WWTR1: variants seen among roughly 807,000 people sequenced by gnomAD.
The protein encoded by WWTR1 is WW domain-containing transcription regulator protein 1.
A neutral mutation model predicts 40.1 loss-of-function variants in WWTR1; 13 were observed. The ratio of observed to expected loss-of-function variants is 0.32; its 90% CI spans 0.21 to 0.52. The LOEUF is 0.52. Ranked by LOEUF, WWTR1 falls within the 20% of genes least tolerant of loss-of-function variation. The pLI is 0.97. For synonymous variants in WWTR1, 230 were observed against 210.1 expected (o/e 1.09, Z -0.82); for missense variants, 436 against 523.1 (o/e 0.83, Z 1.63).
At chr3:149,585,323 C>A (rs551862275) in intron 2 of WWTR1, among the ~76,000 whole-genome samples, 2 of 151,990 alleles carry the variant, frequency 1.3e-5, no homozygotes, top group African/African-American at 4.8e-5. Flanking sequence ...TTAGTAGAGA[C>A]GGGGTTTCAC....
chr3:149,709,115 T>C (rs1715403383), intron 5 of WWTR1, among the ~76,000 whole-genome samples: 1 of 152,054 alleles, frequency 6.6e-6, no homozygotes. Context: ...ACTGGGACTA[T>C]GGGCACGTGC....
intron 2 of WWTR1, among the ~76,000 whole-genome samples, chr3:149,584,509 G>A (rs1379712414): frequency 6.6e-6 from 1 of 152,174 alleles, no homozygotes; most frequent in African/African-American, 2.4e-5. Context: ...GCTTTTCAGA[G>A]TGAGGTTCCC....
intron 1 of WWTR1, among the ~76,000 whole-genome samples, chr3:149,696,650 G>T (rs1174401064): frequency 2.0e-5 from 3 of 152,170 alleles, no homozygotes; most frequent in Non-Finnish European, 4.4e-5. Context: ...GTCCCTGAAG[G>T]TCTTTTGCTT....
intron 4 of WWTR1, among the ~76,000 whole-genome samples, chr3:149,720,379 C>A (rs182250199): frequency 1.3e-5 from 2 of 152,146 alleles, no homozygotes; most frequent in East Asian, 1.9e-4. Flanking sequence ...AAAGACTGTC[C>A]TTTTCTTATT....
chr3:149,526,103 G>A lies in WWTR1; in HGVS notation c.928C>T (p.Gln310Ter). The A allele has an allele frequency of 6.2e-7, 1 of 1,608,616 alleles. No homozygotes were observed. Among genetic ancestry groups the A allele is most frequent in the Non-Finnish European group, 8.5e-7 (1 of 1,177,348 alleles). The change falls in exon 6 of 7, where the codon CAG becomes TAG. Residue 310 changes from glutamine (Q) to a stop codon, truncating the protein, a stop_gained. Coordinates refer to ENST00000360632, the MANE Select transcript of WWTR1 (RefSeq NM_015472.6). LOFTEE classifies it high-confidence loss of function. The part of the protein sequence containing the change: ...LNGGPYHSRE[Q>*]STDSGLGLGC... ...AACCCCAGGCCACTGTCAGTGCTCT[G>A]CTCCCTCGAATGATATGGCCCTCTG...
chr3:149,559,952 A>G (rs911443214), intron 3 of WWTR1, among the ~76,000 whole-genome samples: 8 of 152,198 alleles, frequency 5.3e-5, no homozygotes, highest in African/African-American at 1.4e-4. Flanking sequence ...TTCAGAAGAA[A>G]CGCCACTGGA....
chr3:149,692,166 A>AG (rs562997344), intron 1 of WWTR1, among the ~76,000 whole-genome samples: 149 of 151,724 alleles, frequency 9.8e-4, no homozygotes, highest in Non-Finnish European at 1.1e-3. Flanking sequence ...TAAAAAAAAA[A>AG]AGAGAGAAAG....
At chr3:149,618,827 C>A (rs533591691) in intron 2 of WWTR1, among the ~76,000 whole-genome samples, 1 of 152,244 alleles carries the variant, frequency 6.6e-6, no homozygotes, top group East Asian at 1.9e-4. Context: ...ACTGAGAGGG[C>A]AGTGACACGA....
At chr3:149,569,757 T>C (rs1445677312) in intron 3 of WWTR1, among the ~76,000 whole-genome samples, 6 of 152,242 alleles carry the variant, frequency 3.9e-5, no homozygotes, top group Non-Finnish European at 8.8e-5. Context: ...AGTTCACTTA[T>C]TTGACAGCTA....
chr3:149,677,727 T>C (rs1714316425), intron 1 of WWTR1, among the ~76,000 whole-genome samples: 1 of 152,070 alleles, frequency 6.6e-6, no homozygotes, highest in Admixed American at 6.6e-5. Flanking sequence ...ATAATCCCAG[T>C]TACTCGGGAG....
At chr3:149,710,580 C>CT (rs1438796487) in intron 5 of WWTR1, among the ~76,000 whole-genome samples, 3 of 84,428 alleles carry the variant, frequency 3.6e-5, no homozygotes, top group African/African-American at 1.4e-4. Flanking sequence ...TCCCCCCCCC[C>CT]CCTTTTTTTT....
At chr3:149,650,088 A>T (rs183316482) in intron 2 of WWTR1, 2 of 152,186 alleles carry the variant, frequency 1.3e-5, no homozygotes, top group African/African-American at 4.8e-5. Flanking sequence ...ATATAAATAG[A>T]CAATGGAGGT....
At chr3:149,525,497 T>C (rs1735257686) in intron 6 of WWTR1, 1 of 152,020 alleles carries the variant, frequency 6.6e-6, no homozygotes, top group South Asian at 2.1e-4. Context: ...GATGTAAAAC[T>C]ATACTTGTAT....
Position 149,518,412 on chromosome 3 carries a change from AAC to A in WWTR1, c.*2391_*2392del, listed in dbSNP as rs1208959232. On this transcript the variant is annotated 3_prime_UTR_variant, in exon 7 of 7. Transcript: ENST00000360632. ...TAAAAATATTTTTTAAAAATACAGT[AAC>A]ACTGCTGAGTTTTGTTAGGTCCCTT... 6.6e-6 allele frequency: 1 copy of A among 152,114 alleles called. No individual in the cohort carries two copies. Among genetic ancestry groups the A allele is most frequent in the Admixed American group, 6.6e-5 (1 of 15,258 alleles). The allele number at this position is 152,114 out of a possible 1,614,324, so 9.4% of individuals were successfully genotyped here.
chr3:149,560,644 AT>A (rs939646381), intron 3 of WWTR1, among the ~76,000 whole-genome samples: 13 of 151,834 alleles, frequency 8.6e-5, no homozygotes, highest in East Asian at 1.9e-4. Flanking sequence ...AGCCACATTA[AT>A]TTTTTTTTAA....
chr3:149,713,360 TTTTA>T (rs1319608188), intron 5 of WWTR1, among the ~76,000 whole-genome samples: 1 of 151,396 alleles, frequency 6.6e-6, no homozygotes, highest in Non-Finnish European at 1.5e-5. Flanking sequence ...TTTTATTTTA[TTTTA>T]TTAATTTATT....
chr3:149,667,323 G>T (rs952666816), intron 2 of WWTR1, among the ~76,000 whole-genome samples: 1 of 151,150 alleles, frequency 6.6e-6, no homozygotes, highest in Admixed American at 6.6e-5. Context: ...GAGGGGGGGT[G>T]GATCATGAGG....
intron 3 of WWTR1, among the ~76,000 whole-genome samples, chr3:149,545,403 T>C (rs774026188): frequency 2.8e-4 from 42 of 152,334 alleles, no homozygotes; most frequent in Admixed American, 1.6e-3. Context: ...TTATATTTAA[T>C]ATGGTAGTAT....
intron 3 of WWTR1, among the ~76,000 whole-genome samples, chr3:149,568,523 C>CAAAAAAAAAAAAAAAAAAAAAAAA (rs34414853): frequency 4.6e-5 from 3 of 64,816 alleles, no homozygotes; most frequent in Non-Finnish European, 9.5e-5. Context: ...AATTAAAGTG[C>CAAAAAAAAAAAAAAAAAAAAAAAA]AAAAAAAAAA....
Sources: gnomAD v4.1 joint callset for allele counts (sites outside exome capture counted in the v4.1 genomes callset) on GRCh38, gnomAD v4.1.1 for gene constraint, MANE v1.5 for transcripts, NCBI Gene and HGNC (gene_info 2026-07-23, HGNC 2026-07-21) for gene names.